The following SBF2 variants were observed in gnomAD, a reference collection of about 807,000 sequenced individuals.
The protein encoded by SBF2 is myotubularin-related protein 13.
SBF2 carries 112 observed loss-of-function variants against 225.2 expected under a neutral mutation model. The ratio of observed to expected loss-of-function variants is 0.50; its 90% CI spans 0.43 to 0.58. The LOEUF (loss-of-function observed/expected upper bound fraction) is 0.58. SBF2 is among the 20% of genes least tolerant of loss of function. The pLI is 0.00. For synonymous variants in SBF2, 763 were observed against 773.3 expected (o/e 0.99, Z 0.22); for missense variants, 1,996 against 2,206.2 (o/e 0.90, Z 1.91).
chr11:9,942,899 G>GAA (rs879563634), intron 16 of SBF2, among the ~76,000 whole-genome samples: 803 of 60,566 alleles, frequency 0.013, 9 homozygotes, highest in Non-Finnish European at 0.02. Context: ...GAAAGAGAGA[G>GAA]AGAGAAAGAA....
chr11:10,170,633 C>T (rs888098376), intron 2 of SBF2, among the ~76,000 whole-genome samples: 38 of 151,742 alleles, frequency 2.5e-4, no homozygotes, highest in African/African-American at 9.2e-4. Flanking sequence ...TATTCTGGGT[C>T]TTTTTTTGCC....
intron 2 of SBF2, among the ~76,000 whole-genome samples, chr11:10,148,636 G>A (rs758238681): frequency 1.3e-4 from 19 of 151,674 alleles, no homozygotes; most frequent in Non-Finnish European, 2.2e-4. Context: ...TGTAGATGTC[G>A]CTCTCCATGT....
intron 2 of SBF2, among the ~76,000 whole-genome samples, chr11:10,111,770 A>G (rs2099877): frequency 0.19 from 28,327 of 152,192 alleles, 2,802 homozygotes; most frequent in East Asian, 0.28. Flanking sequence ...CCAGCTACTC[A>G]GGAGGCTGAG....
intron 2 of SBF2, among the ~76,000 whole-genome samples, chr11:10,108,672 C>A (rs1019192237): frequency 5.9e-5 from 9 of 151,684 alleles, no homozygotes; most frequent in South Asian, 4.2e-4. Context: ...CTACAGGCGC[C>A]CGCCACCACG....
At chr11:9,837,663 C>T (rs766395085) in intron 26 of SBF2, among the ~76,000 whole-genome samples, 1 of 152,044 alleles carries the variant, frequency 6.6e-6, no homozygotes, top group Non-Finnish European at 1.5e-5. Context: ...GGTAGTTTTG[C>T]GTGGTATATT....
chr11:10,022,918 G>A (rs985610688), intron 6 of SBF2, among the ~76,000 whole-genome samples: 1 of 152,088 alleles, frequency 6.6e-6, no homozygotes, highest in Non-Finnish European at 1.5e-5. Context: ...TCTGTGATCA[G>A]ACTCAGGTTT....
At chr11:9,802,109 T>C (rs898773198) in intron 32 of SBF2, among the ~76,000 whole-genome samples, 4 of 152,244 alleles carry the variant, frequency 2.6e-5, no homozygotes, top group African/African-American at 9.6e-5. Context: ...AAGGGGATGC[T>C]TTCTTCACGT....
chr11:10,253,036 T>C (rs1217648844), intron 1 of SBF2, among the ~76,000 whole-genome samples: 1 of 149,628 alleles, frequency 6.7e-6, no homozygotes, highest in East Asian at 2.0e-4. Flanking sequence ...TTAAACTCCT[T>C]TAGATTTAAT....
chr11:9,876,793 G>C (rs1859286221), intron 17 of SBF2, among the ~76,000 whole-genome samples: 1 of 152,184 alleles, frequency 6.6e-6, no homozygotes, highest in African/African-American at 2.4e-5. Context: ...AGGCTAGAGT[G>C]CAGTGGGGCA....
intron 2 of SBF2, 75 bp downstream of exon 2, chr11:10,193,827 A>AATAATTAT: frequency 2.0e-6 from 2 of 978,662 alleles, no homozygotes; most frequent in Admixed American, 3.4e-5. Flanking sequence ...AGCAAATGTA[A>AATAATTAT]CATAAATGTA....
rs1373243999 is a variant in SBF2 at position 10,179,364 on chromosome 11, AACAAAAAACAAAAACAAAAAAAC to A, written c.141+14515_141+14537del. ...TATAATAATAATAAATTAAAAAACA[AACAAAAAACAAAAACAAAAAAAC>A]AAAAAAAAACAAAAACAAAACAAAC... On this transcript the variant is annotated intron_variant, in intron 2 of 39. Transcript: ENST00000256190. Among the ~76,000 whole-genome samples, 471 of 122,334 alleles carry A rather than the reference AACAAAAAACAAAAACAAAAAAAC, an allele frequency of 3.9e-3. 1 individual carries two copies. The highest frequency in any genetic ancestry group is 0.028 in the South Asian group (126 of 4,480). The allele number at this position is 122,334 out of a possible 152,430, so 80.3% of individuals were successfully genotyped here.
chr11:10,163,259 ACTCT>A (rs917137645), intron 2 of SBF2, among the ~76,000 whole-genome samples: 7 of 152,122 alleles, frequency 4.6e-5, no homozygotes, highest in Admixed American at 2.0e-4. Flanking sequence ...ATTTTCAAAG[ACTCT>A]CTCACATCCC....
intron 6 of SBF2, among the ~76,000 whole-genome samples, chr11:10,019,014 C>T (rs1336512503): frequency 6.6e-6 from 1 of 152,094 alleles, no homozygotes; most frequent in Non-Finnish European, 1.5e-5. Context: ...CTTGGTATCT[C>T]TATTATTGTG....
intron 2 of SBF2, among the ~76,000 whole-genome samples, chr11:10,070,952 C>T (rs185430490): frequency 6.6e-6 from 1 of 152,220 alleles, no homozygotes; most frequent in East Asian, 1.9e-4. Context: ...CATGGTTTGG[C>T]TCTCTGTTTG....
chr11:9,800,959 T>C lies in SBF2; in HGVS notation c.4444-5002A>G, dbSNP rs556057231. 2.0e-5 allele frequency among the ~76,000 whole-genome samples: 3 copies of C among 152,240 alleles called. No homozygotes were observed. In the East Asian group the frequency reaches 5.8e-4, roughly 29 times the overall value. ...TCTAGCTAGAGGTTTATCAATTTTATTGATATTCTCAAAGAACAGCTTTTG... is the reference window on the plus strand; with the variant it reads ...TCTAGCTAGAGGTTTATCAATTTTACTGATATTCTCAAAGAACAGCTTTTG... On this transcript the variant is annotated intron_variant, in intron 32 of 39. Transcript: ENST00000256190.
At chr11:9,982,576 T>C (rs1416077137) in intron 13 of SBF2, among the ~76,000 whole-genome samples, 2 of 152,210 alleles carry the variant, frequency 1.3e-5, no homozygotes, top group South Asian at 2.1e-4. Context: ...GAGTGGATCA[T>C]GGCAGATGGG....
intron 16 of SBF2, among the ~76,000 whole-genome samples, chr11:9,899,077 A>C (rs1011680065): frequency 6.6e-6 from 1 of 151,950 alleles, no homozygotes; most frequent in African/African-American, 2.4e-5. Context: ...AACAACAAAA[A>C]CATGAGAAAC....
intron 1 of SBF2, among the ~76,000 whole-genome samples, chr11:10,260,936 T>C (rs1051225015): frequency 6.6e-6 from 1 of 150,690 alleles, no homozygotes. Context: ...GAAAAAAAAA[T>C]AGCCAATATT....
chr11:10,010,704 C>G (rs1250497069), intron 6 of SBF2, among the ~76,000 whole-genome samples: 1 of 152,022 alleles, frequency 6.6e-6, no homozygotes, highest in African/African-American at 2.4e-5. Flanking sequence ...TTGCTTAGGA[C>G]TGTCTTGGCT....
Sources: allele counts gnomAD v4.1 joint callset (sites outside exome capture counted in the v4.1 genomes callset), GRCh38; gene constraint gnomAD v4.1.1; transcripts MANE v1.5; gene names NCBI Gene and HGNC (gene_info 2026-07-23, HGNC 2026-07-21).